Variants in C10orf71 observed in about 807,000 individuals in gnomAD.
C10orf71 encodes chromosome 10 open reading frame 71.
For missense variants in C10orf71, 1,869 were observed against 1,804.5 expected (o/e 1.04, Z -0.65); for synonymous variants, 758 against 726.3 (o/e 1.04, Z -0.70).
intron 2 of C10orf71, among the ~76,000 whole-genome samples, chr10:49,317,457 G>A (rs1478805188): frequency 6.6e-6 from 1 of 152,190 alleles, no homozygotes; most frequent in East Asian, 1.9e-4. Flanking sequence ...TTACCTCAGA[G>A]TATGACCTTT....
chr10:49,323,732 A>G lies in C10orf71; in HGVS notation c.1187A>G (p.Asp396Gly). The change falls in exon 3 of 3, where the codon GAT becomes GGT. Residue 396 changes from aspartate to glycine, a missense_variant. Asp to Gly is a moderately conservative substitution (Grantham distance 94). Coordinates refer to ENST00000374144, the MANE Select transcript of C10orf71 (RefSeq NM_001135196.2). ...AAAAAAGGGAAAGAAAGTCTACAAG[A>G]TACTTTAGAAGAAAAGACACAGACC... ...TGKKGKESLQ[D>G]TLEEKTQTNQ... 6.2e-7 allele frequency: 1 copy of G among 1,614,002 alleles called. No homozygotes were observed. Among genetic ancestry groups the G allele is most frequent in the Non-Finnish European group, 8.5e-7 (1 of 1,179,878 alleles).
At chr10:49,305,045 G>A (rs1279264029) in intron 1 of C10orf71, among the ~76,000 whole-genome samples, 1 of 152,238 alleles carries the variant, frequency 6.6e-6, no homozygotes, top group African/African-American at 2.4e-5. Context: ...GGAGAGTTAT[G>A]TGCCCCAGTA....
upstream of C10orf71, among the ~76,000 whole-genome samples, chr10:49,298,341 G>A (rs1848669830): frequency 6.6e-6 from 1 of 152,168 alleles, no homozygotes; most frequent in Admixed American, 6.5e-5. Flanking sequence ...TGGAGAGAAA[G>A]GGGGAAAAAA....
In C10orf71 at chr10:49,327,229, T is replaced by C. The variant is rs144774189; in HGVS notation, c.*376T>C. The stretch of plus-strand genomic sequence containing the variant: ...GGCAAGGGCACCGCCTGGTCCCAAG[T>C]GTCCCTCTGTACCCACACCCACCCA... On this transcript the variant is annotated 3_prime_UTR_variant, in exon 3 of 3. Transcript: ENST00000374144. 23 of 401,492 alleles carry C rather than the reference T, an allele frequency of 5.7e-5. No individual in the cohort carries two copies. The highest frequency in any genetic ancestry group is 8.2e-5 in the Non-Finnish European group (17 of 208,424). 24.9% of individuals were successfully genotyped at this position (401,492 alleles called of 1,614,324 possible). A position where few individuals can be genotyped will look rare whatever the true frequency, so the allele number is the denominator to read the frequency against.
At chr10:49,302,965 CT>C (rs1409661292) in intron 1 of C10orf71, among the ~76,000 whole-genome samples, 1 of 152,208 alleles carries the variant, frequency 6.6e-6, no homozygotes, top group African/African-American at 2.4e-5. Context: ...ATAATAACAG[CT>C]CCCACATTAG....
intron 1 of C10orf71, among the ~76,000 whole-genome samples, chr10:49,314,892 G>A (rs532666289): frequency 1.3e-5 from 2 of 152,240 alleles, no homozygotes; most frequent in African/African-American, 4.8e-5. Context: ...CCAATTCAGA[G>A]CATTACCACA....
intron 1 of C10orf71, among the ~76,000 whole-genome samples, chr10:49,314,406 C>T (rs1054462303): frequency 2.9e-4 from 44 of 152,366 alleles, no homozygotes; most frequent in Admixed American, 1.2e-3. Context: ...GAAGGGAACA[C>T]ACCTTTTCAC....
chr10:49,327,006 G>C lies in C10orf71; in HGVS notation c.*153G>C. On this transcript the variant is annotated 3_prime_UTR_variant, in exon 3 of 3. Transcript: ENST00000374144. ...AGCCTTTTTAGATCCATAAAGTCCA[G>C]AAGGCAGTAGGGATCCCAAGACGAC... 1 of 1,585,346 alleles carries C rather than the reference G, an allele frequency of 6.3e-7. No homozygotes were observed. The highest frequency in any genetic ancestry group is 8.6e-7 in the Non-Finnish European group (1 of 1,167,160).
At position 49,326,815 on chromosome 10, in the gene C10orf71, G is replaced by A. The variant is rs1849265489; in HGVS notation, c.4270G>A (p.Asp1424Asn). 1.3e-6 allele frequency: 2 copies of A among 1,548,498 alleles called. No individual in the cohort carries two copies. The highest frequency in any genetic ancestry group is 2.0e-5 in the Admixed American group (1 of 50,966). The change falls in exon 3 of 3, where the codon GAT becomes AAT. Residue 1424 changes from aspartate (D) to asparagine (N), a missense_variant. Physicochemically the swap from Asp to Asn is conservative, Grantham distance 23 (BLOSUM62 1). Transcript: ENST00000374144. Reference protein sequence around the residue: ...EAPGLGIISTDDLEDFATEGI... With the variant: ...EAPGLGIISTNDLEDFATEGI... Reference sequence around the variant, plus strand: ...TCCAGGCCTGGGCATCATCTCCACTGATGACCTAGAGGACTTTGCCACAGA... The same window carrying A: ...TCCAGGCCTGGGCATCATCTCCACTAATGACCTAGAGGACTTTGCCACAGA...
At chr10:49,308,592 T>A (rs78504867) in intron 1 of C10orf71, among the ~76,000 whole-genome samples, 1,649 of 152,272 alleles carry the variant, frequency 0.011, 28 homozygotes, top group African/African-American at 0.038. Context: ...TGGAAGCCAA[T>A]CTAAGGCAAT....
chr10:49,314,246 A>G (rs1848963159), intron 1 of C10orf71, among the ~76,000 whole-genome samples: 1 of 152,150 alleles, frequency 6.6e-6, no homozygotes, highest in Admixed American at 6.5e-5. Flanking sequence ...CATTTAAGAG[A>G]ACAGTCTTTG....
At chr10:49,322,019 G>A (rs1208741843) in intron 2 of C10orf71, among the ~76,000 whole-genome samples, 3 of 152,128 alleles carry the variant, frequency 2.0e-5, no homozygotes, top group African/African-American at 7.2e-5. Context: ...CCATTCCATA[G>A]AATACCTTTT....
chr10:49,326,616 G>A lies in C10orf71; in HGVS notation c.4071G>A (p.Ala1357=), dbSNP rs760244809. The part of the protein sequence containing the change: ...MPLRCSSQLS[A]PTFLRQGPRA... Reference sequence around the variant, plus strand: ...TGCGCTGCTCCTCTCAGCTCTCCGCGCCCACCTTCCTCAGGCAGGGCCCTC... The same window carrying A: ...TGCGCTGCTCCTCTCAGCTCTCCGCACCCACCTTCCTCAGGCAGGGCCCTC... Residue 1357 remains alanine, a synonymous_variant, in exon 3 of 3, where the codon GCG becomes GCA. Transcript: ENST00000374144. 2 of 1,550,012 alleles carry A rather than the reference G, an allele frequency of 1.3e-6. No homozygotes were observed. Among genetic ancestry groups the A allele is most frequent in the East Asian group, 2.4e-5 (1 of 40,898 alleles).
chr10:49,298,910 C>T (rs1204728922), upstream of C10orf71: 1 of 152,192 alleles, frequency 6.6e-6, no homozygotes, highest in Non-Finnish European at 1.5e-5. Context: ...AAGGCACACA[C>T]TCTCCTGTTT....
rs895506574 is a variant in C10orf71, at chr10:49,324,271, C to T, written c.1726C>T (p.Pro576Ser). Residue 576 changes from proline (P) to serine (S), a missense_variant, in exon 3 of 3, where the codon CCT (proline) becomes TCT (serine). Coordinates refer to ENST00000374144, the MANE Select transcript of C10orf71 (RefSeq NM_001135196.2). ...TASHINPQKDPTADPSEPSAD... is the reference protein window; with the variant it reads ...TASHINPQKDSTADPSEPSAD... ...ATCACACATCAATCCCCAGAAGGAC[C>T]CTACAGCTGACCCCAGTGAGCCCTC... 9 of 1,613,824 alleles carry T rather than the reference C, an allele frequency of 5.6e-6. No individual in the cohort carries two copies. Among genetic ancestry groups the T allele is most frequent in the Non-Finnish European group, 6.8e-6 (8 of 1,179,898 alleles).
rs770563121 is a variant in C10orf71 at position 49,322,513 on chromosome 10, G to A, written c.-33G>A. 2.5e-5 allele frequency: 39 copies of A among 1,555,748 alleles called. 1 individual carries two copies. In the South Asian group the frequency reaches 2.8e-4, roughly 11 times the overall value. On this transcript the variant is annotated 5_prime_UTR_variant, in exon 3 of 3. Coordinates refer to ENST00000374144, the MANE Select transcript of C10orf71 (RefSeq NM_001135196.2). ...AGAATCATCACCAGAGACACCTGCCGGCTGACAAGGACAGCTTTCTTGGAG... is the reference window on the plus strand; with the variant it reads ...AGAATCATCACCAGAGACACCTGCCAGCTGACAAGGACAGCTTTCTTGGAG...
chr10:49,321,304 A>T (rs1849090048), intron 2 of C10orf71, among the ~76,000 whole-genome samples: 1 of 152,150 alleles, frequency 6.6e-6, no homozygotes, highest in Non-Finnish European at 1.5e-5. Context: ...AGTAAGTGAC[A>T]TCAATCAGTG....
rs148337814 is a variant in C10orf71 at position 49,324,244 on chromosome 10, G to A, written c.1699G>A (p.Ala567Thr). The change falls in exon 3 of 3, where the codon GCA becomes ACA. Residue 567 changes from alanine (A) to threonine (T), a missense_variant. Transcript: ENST00000374144. ...SKERPADDPTASHINPQKDPT... is the reference protein window; with the variant it reads ...SKERPADDPTTSHINPQKDPT... ...GGAGAGACCCGCTGATGACCCCACT[G>A]CATCACACATCAATCCCCAGAAGGA... 4.5e-4 allele frequency: 721 copies of A among 1,613,914 alleles called. 3 individuals are homozygous for A. The African/African-American group carries it at 7.8e-3, about 18-fold the overall frequency.
intron 2 of C10orf71, among the ~76,000 whole-genome samples, chr10:49,319,196 C>T (rs1849048473): frequency 6.6e-6 from 1 of 152,140 alleles, no homozygotes; most frequent in South Asian, 2.1e-4. Flanking sequence ...TTATCCCCTC[C>T]CCCAGGCCAG....
Sources: gnomAD v4.1 joint callset for allele counts (sites outside exome capture counted in the v4.1 genomes callset) on GRCh38, gnomAD v4.1.1 for gene constraint, MANE v1.5 for transcripts, NCBI Gene and HGNC (gene_info 2026-07-23, HGNC 2026-07-21) for gene names.